ROBO2: variants seen among roughly 807,000 people sequenced by gnomAD.
The protein encoded by ROBO2 is roundabout guidance receptor 2.
In ROBO2, 53 loss-of-function variants were observed where a neutral mutation model predicts 160.8. The observed-to-expected ratio is 0.33, with a 90% CI of 0.26 to 0.41. The LOEUF is 0.41. Among genes scored for constraint, ROBO2 ranks in the 10% least tolerant of loss-of-function variants. The pLI is 1.00. For missense variants in ROBO2, 1,577 were observed against 1,722.4 expected (o/e 0.92, Z 1.49); for synonymous variants, 664 against 611.7 (o/e 1.09, Z -1.26).
At chr3:77,536,240 G>C (rs77907884) in intron 6 of ROBO2, among the ~76,000 whole-genome samples, 2 of 152,102 alleles carry the variant, frequency 1.3e-5, no homozygotes, top group African/African-American at 4.8e-5. Flanking sequence ...AGAAGCAGGT[G>C]GGGGGAATGT....
At chr3:76,915,885 AG>A (rs950240161) in intron 2 of ROBO2, among the ~76,000 whole-genome samples, 2 of 152,132 alleles carry the variant, frequency 1.3e-5, no homozygotes, top group Admixed American at 1.3e-4. Flanking sequence ...GTGTGTGGTG[AG>A]GGCCCACTTC....
At position 77,646,755 on chromosome 3, in the gene ROBO2, G is replaced by T. The variant is rs1162289174; in HGVS notation, c.*700G>T. On this transcript the variant is annotated 3_prime_UTR_variant, in exon 26 of 26. Coordinates refer to ENST00000461745, the Ensembl canonical transcript of ROBO2. The stretch of plus-strand genomic sequence containing the variant: ...GCTTTTACTATTGACAAAAGCCGGG[G>T]TCAAAAAAAGTAGTTTAAGTCTTAA... The T allele has an allele frequency of 3.9e-5, 6 of 152,248 alleles. No homozygotes were observed. In the South Asian group the frequency reaches 1.0e-3, roughly 26 times the overall value. The allele number at this position is 152,248 out of a possible 1,614,324, so 9.4% of individuals were successfully genotyped here. A position where few individuals can be genotyped will look rare whatever the true frequency, so the allele number is the denominator to read the frequency against.
intron 2 of ROBO2, among the ~76,000 whole-genome samples, chr3:76,443,515 G>A (rs1478410878): frequency 2.0e-5 from 3 of 152,062 alleles, no homozygotes; most frequent in Non-Finnish European, 1.5e-5. Context: ...CAACTTATCT[G>A]AGTGTGTCAT....
At chr3:76,623,923 T>C (rs964804671) in intron 2 of ROBO2, among the ~76,000 whole-genome samples, 6 of 152,172 alleles carry the variant, frequency 3.9e-5, no homozygotes, top group African/African-American at 1.4e-4. Context: ...GACATCTTCC[T>C]TTCTCATAAG....
chr3:77,112,650 C>G (rs1319153211), intron 2 of ROBO2, among the ~76,000 whole-genome samples: 2 of 152,106 alleles, frequency 1.3e-5, no homozygotes, highest in Non-Finnish European at 2.9e-5. Context: ...ATCGTTCCTA[C>G]CCGGCACCTC....
intron 2 of ROBO2, among the ~76,000 whole-genome samples, chr3:76,345,431 T>TTTC (rs1284299231): frequency 8.8e-6 from 1 of 113,804 alleles, no homozygotes; most frequent in African/African-American, 2.9e-5. Context: ...ATATCTTTTT[T>TTTC]CTTTTCTTTC....
intron 2 of ROBO2, among the ~76,000 whole-genome samples, chr3:77,123,949 T>C (rs2075061622): frequency 6.7e-6 from 1 of 149,726 alleles, no homozygotes; most frequent in Non-Finnish European, 1.5e-5. Context: ...TGTATCTATA[T>C]AGATAGATAT....
intron 19 of ROBO2, among the ~76,000 whole-genome samples, chr3:77,599,794 A>T (rs1010185260): frequency 1.3e-5 from 2 of 152,166 alleles, no homozygotes; most frequent in South Asian, 2.1e-4. Context: ...CCATAAAAAA[A>T]ATTATTTAAC....
chr3:76,309,837 T>G (rs2071493182), intron 2 of ROBO2, among the ~76,000 whole-genome samples: 4 of 152,158 alleles, frequency 2.6e-5, no homozygotes, highest in Admixed American at 2.6e-4. Flanking sequence ...ATTGTTACTA[T>G]TATTGAGACA....
chr3:76,472,796 G>T (rs771916925), intron 2 of ROBO2, among the ~76,000 whole-genome samples: 37 of 152,174 alleles, frequency 2.4e-4, no homozygotes, highest in Non-Finnish European at 4.4e-4. Flanking sequence ...AAGCAAAATA[G>T]AGCTGGGCTA....
At chr3:76,955,448 A>G (rs994215176) in intron 2 of ROBO2, among the ~76,000 whole-genome samples, 9 of 152,128 alleles carry the variant, frequency 5.9e-5, no homozygotes, top group Admixed American at 2.6e-4. Flanking sequence ...ATTGTTTTCC[A>G]CGGTAACTAT....
At chr3:77,010,021 G>T (rs2061787256) in intron 2 of ROBO2, among the ~76,000 whole-genome samples, 2 of 150,736 alleles carry the variant, frequency 1.3e-5, no homozygotes, top group African/African-American at 4.9e-5. Context: ...TGCCTTTTAG[G>T]TTTATTTGGT....
intron 2 of ROBO2, among the ~76,000 whole-genome samples, chr3:76,143,509 A>T (rs982260657): frequency 7.2e-5 from 11 of 152,046 alleles, no homozygotes; most frequent in Non-Finnish European, 1.5e-4. Flanking sequence ...TATTTTGCAT[A>T]TCTCTATTGG....
chr3:77,035,274 C>T (rs1348299431), upstream of ROBO2, among the ~76,000 whole-genome samples: 1 of 151,796 alleles, frequency 6.6e-6, no homozygotes, highest in African/African-American at 2.4e-5. Context: ...TCATCCATGA[C>T]CTCTAAGGAA....
chr3:77,513,514 CT>C (rs930774164), intron 5 of ROBO2, among the ~76,000 whole-genome samples: 1 of 151,718 alleles, frequency 6.6e-6, no homozygotes, highest in African/African-American at 2.4e-5. Flanking sequence ...GAGTGTAGTA[CT>C]TTTTTTCTTA....
chr3:76,507,644 T>G (rs968002155), intron 2 of ROBO2, among the ~76,000 whole-genome samples: 1 of 152,062 alleles, frequency 6.6e-6, no homozygotes, highest in African/African-American at 2.4e-5. Context: ...TTGCATATAT[T>G]AACTGATATA....
intron 2 of ROBO2, among the ~76,000 whole-genome samples, chr3:76,243,842 A>G (rs1705453106): frequency 6.6e-6 from 1 of 152,244 alleles, no homozygotes; most frequent in Admixed American, 6.5e-5. Context: ...TACTGAATAC[A>G]ATAAAATAGA....
At chr3:77,333,181 T>C (rs2066151848) in intron 2 of ROBO2, among the ~76,000 whole-genome samples, 1 of 152,218 alleles carries the variant, frequency 6.6e-6, no homozygotes, top group African/African-American at 2.4e-5. Flanking sequence ...AGCTTGGTTA[T>C]ATTCTGGCGT....
At chr3:76,280,358 A>G (rs559415860) in intron 2 of ROBO2, among the ~76,000 whole-genome samples, 1 of 152,164 alleles carries the variant, frequency 6.6e-6, no homozygotes, top group Non-Finnish European at 1.5e-5. Flanking sequence ...TCATAAGGGC[A>G]AAGCATTAAA....
Sources: allele counts gnomAD v4.1 joint callset (sites outside exome capture counted in the v4.1 genomes callset), GRCh38; gene constraint gnomAD v4.1.1; transcripts MANE v1.5; gene names NCBI Gene and HGNC (gene_info 2026-07-23, HGNC 2026-07-21).